Variants in GGA2 observed in about 807,000 individuals in gnomAD.
The protein encoded by GGA2 is golgi associated, gamma adaptin ear containing, ARF binding protein 2, also known as ADP-ribosylation factor-binding protein GGA2.
GGA2 carries 48 observed loss-of-function variants against 79.5 expected under a neutral mutation model. The observed-to-expected ratio is 0.60, with a 90% CI of 0.48 to 0.77. The LOEUF (loss-of-function observed/expected upper bound fraction) is 0.77, where lower values mean the gene tolerates loss of function less well. Ranked by LOEUF, GGA2 falls within the 30% of genes least tolerant of loss-of-function variation. The probability of loss-of-function intolerance (pLI) is 0.00; values close to 1 mark genes in which losing one functional copy is unlikely to be tolerated. For synonymous variants in GGA2, 317 were observed against 302.0 expected (o/e 1.05, Z -0.51); for missense variants, 770 against 774.0 (o/e 0.99, Z 0.06).
chr16:23,499,704 C>T (rs986630384), intron 1 of GGA2, among the ~76,000 whole-genome samples: 6 of 152,152 alleles, frequency 3.9e-5, no homozygotes, highest in African/African-American at 1.4e-4. Flanking sequence ...CCTCGTGATC[C>T]GCCCGCCTCG....
At chr16:23,495,012 G>A (rs1012129170) in intron 2 of GGA2, among the ~76,000 whole-genome samples, 2 of 151,930 alleles carry the variant, frequency 1.3e-5, no homozygotes, top group Non-Finnish European at 2.9e-5. Context: ...TTGAACCCGG[G>A]AGGTGGAGGT....
chr16:23,474,987 T>C lies in GGA2; in HGVS notation c.1367A>G (p.Glu456Gly). Residue 456 changes from glutamate (E) to glycine (G), a missense_variant, in exon 14 of 17, where the codon GAG becomes GGG. Physicochemically the swap from Glu to Gly is moderately conservative, Grantham distance 98. Transcript: ENST00000309859. ...TGGGGAAGGAGCCAACGGGCCAGCC[T>C]CCCAGGACCAACCTGGAGAGGACTT... ...GTKSSPGWSW[E>G]AGPLAPSPSS... The C allele has an allele frequency of 6.2e-7, 1 of 1,611,310 alleles. No individual in the cohort carries two copies. Among genetic ancestry groups the C allele is most frequent in the Non-Finnish European group, 8.5e-7 (1 of 1,177,528 alleles).
upstream of GGA2, chr16:23,523,397 C>G (rs544098976): frequency 1.9e-4 from 29 of 152,302 alleles, no homozygotes; most frequent in African/African-American, 6.5e-4. Flanking sequence ...GGTCTCCAGT[C>G]CAAGGACCAG....
chr16:23,475,077 A>C lies in GGA2; in HGVS notation c.1293-16T>G. 5.2e-6 allele frequency: 8 copies of C among 1,542,584 alleles called. No individual in the cohort carries two copies. Among genetic ancestry groups the C allele is most frequent in the Non-Finnish European group, 7.0e-6 (8 of 1,140,728 alleles). On this transcript the variant is annotated splice_polypyrimidine_tract_variant and intron_variant, in intron 13 of 16. Transcript: ENST00000309859. ...AACATAATTCCTACAAAGAAATAAA[A>C]AATATCAAAGACTAGCAAAAATTGT...
chr16:23,474,601 C>T (rs1421201474), intron 14 of GGA2, among the ~76,000 whole-genome samples: 1 of 151,888 alleles, frequency 6.6e-6, no homozygotes, highest in Non-Finnish European at 1.5e-5. Context: ...CAAGTGATCA[C>T]CTGCCTTGGC....
intron 1 of GGA2, chr16:23,519,754 C>A (rs1472315523): frequency 1.3e-5 from 3 of 223,642 alleles, no homozygotes; most frequent in Admixed American, 6.0e-5. Context: ...GGTACAGATT[C>A]CATTCTTTTG....
chr16:23,487,829 A>C (rs1281572375), intron 6 of GGA2, among the ~76,000 whole-genome samples: 1 of 152,136 alleles, frequency 6.6e-6, no homozygotes, highest in Non-Finnish European at 1.5e-5. Context: ...GAGTGGGTAC[A>C]GGGAGAGGGT....
At chr16:23,520,297 A>G (rs1387952616) in intron 1 of GGA2, among the ~76,000 whole-genome samples, 6 of 151,056 alleles carry the variant, frequency 4.0e-5, no homozygotes, top group Admixed American at 6.6e-5. Context: ...TATCTATTCC[A>G]ATCCTTACAA....
At chr16:23,486,222 G>C in intron 7 of GGA2, 70 bp from the exon 8 acceptor site, 3 of 1,432,284 alleles carry the variant, frequency 2.1e-6, no homozygotes, top group Non-Finnish European at 2.9e-6. Flanking sequence ...CAAGGGATGG[G>C]AAAGAGTCAC....
In GGA2 at chr16:23,468,883, T is replaced by C; in HGVS notation, c.1731+3A>G. 6.4e-7 allele frequency: 1 copy of C among 1,570,862 alleles called. No homozygotes were observed. The highest frequency in any genetic ancestry group is 1.1e-5 in the South Asian group (1 of 90,226). On this transcript the variant is annotated splice_donor_region_variant and intron_variant, in intron 16 of 16. Transcript: ENST00000309859. The stretch of plus-strand genomic sequence containing the variant: ...CCCTGCTACCACAGACACTGGAACA[T>C]ACTTTGTGTGGATTGTCAAGCAGCA...
At chr16:23,476,022 T>A (rs1964573101) in intron 13 of GGA2, among the ~76,000 whole-genome samples, 1 of 152,192 alleles carries the variant, frequency 6.6e-6, no homozygotes, top group Admixed American at 6.5e-5. Flanking sequence ...AGGTTGTTCA[T>A]GTTGTACCTG....
At position 23,493,742 on chromosome 16, in the gene GGA2, G is replaced by A. The variant is rs560817200; in HGVS notation, c.253-284C>T. 1.4e-4 allele frequency: 54 copies of A among 378,130 alleles called. No individual in the cohort carries two copies. The East Asian group carries it at 2.9e-3, about 21-fold the overall frequency. 23.4% of individuals were successfully genotyped at this position (378,130 alleles called of 1,614,324 possible). A position where few individuals can be genotyped will look rare whatever the true frequency, so the allele number is the denominator to read the frequency against. ...CACCTTTTAAGGAGACCCTTTGAGA[G>A]GAGAAAGTGGCTAAAGAACCAACCC... On this transcript the variant is annotated intron_variant, in intron 3 of 16. Transcript: ENST00000309859.
intron 1 of GGA2, among the ~76,000 whole-genome samples, chr16:23,498,411 A>C (rs1303160270): frequency 6.6e-6 from 1 of 152,034 alleles, no homozygotes; most frequent in Non-Finnish European, 1.5e-5. Context: ...TGGGGGGACA[A>C]AATGAGACCC....
intron 14 of GGA2, among the ~76,000 whole-genome samples, chr16:23,472,863 TCTCTACTAAAAA>T (rs1964528476): frequency 6.6e-6 from 1 of 151,646 alleles, no homozygotes; most frequent in Non-Finnish European, 1.5e-5. Flanking sequence ...TGAAACCCTG[TCTCTACTAAAAA>T]TACAAAAAAG....
intron 14 of GGA2, among the ~76,000 whole-genome samples, chr16:23,474,098 T>C (rs1392823761): frequency 6.6e-6 from 1 of 152,166 alleles, no homozygotes; most frequent in African/African-American, 2.4e-5. Flanking sequence ...CCTTCCCTTT[T>C]AACAGAGATA....
intron 14 of GGA2, among the ~76,000 whole-genome samples, chr16:23,472,184 GTTTTTTTTTTTTTTTT>G (rs749688834): frequency 1.1e-4 from 6 of 54,838 alleles, no homozygotes; most frequent in Admixed American, 8.0e-4. Flanking sequence ...TGTAGCCCTG[GTTTTTTTTTTTTTTTT>G]TTTTTTTTTT....
rs566563362 is a variant in GGA2 at position 23,470,016 on chromosome 16, A to G, written c.1600T>C (p.Phe534Leu). Reference protein sequence around the residue: ...TAPQPVWDIMFQVAVPKSMRV... With the variant: ...TAPQPVWDIMLQVAVPKSMRV... ...CTCACCTTTGGCACAGCCACTTGAA[A>G]CATGATATCCCAGACAGGCTGGGGA... is the stretch of plus-strand genomic sequence containing the variant. Residue 534 changes from phenylalanine (F) to leucine (L), a missense_variant, in exon 15 of 17, where the codon TTT (phenylalanine) becomes CTT (leucine). Phe to Leu is a conservative substitution (Grantham distance 22, BLOSUM62 0). Coordinates refer to ENST00000309859, the MANE Select transcript of GGA2 (RefSeq NM_015044.4). The G allele has an allele frequency of 4.5e-6, 7 of 1,561,314 alleles. No individual in the cohort carries two copies. Among genetic ancestry groups the G allele is most frequent in the Non-Finnish European group, 6.1e-6 (7 of 1,153,798 alleles).
At position 23,480,804 on chromosome 16, in the gene GGA2, T is replaced by C. The variant is rs1964638363; in HGVS notation, c.881-34A>G. On this transcript the variant is annotated intron_variant, in intron 9 of 16. Coordinates refer to ENST00000309859, the MANE Select transcript of GGA2 (RefSeq NM_015044.4). ...TGAGGGAAGACTCAGAACCCCCTGG[T>C]TTGGCAACCAACAATCTCAGTCTTT... The C allele has an allele frequency of 3.1e-6, 5 of 1,590,424 alleles. No homozygotes were observed. The East Asian group carries it at 1.1e-4, about 36-fold the overall frequency.
At chr16:23,506,738 C>T (rs1321929432) in intron 1 of GGA2, among the ~76,000 whole-genome samples, 4 of 152,180 alleles carry the variant, frequency 2.6e-5, no homozygotes, top group Non-Finnish European at 5.9e-5. Context: ...CCCAACGCTT[C>T]CCCACCTTCC....
Sources: gnomAD v4.1 joint callset for allele counts (sites outside exome capture counted in the v4.1 genomes callset) on GRCh38, gnomAD v4.1.1 for gene constraint, MANE v1.5 for transcripts, NCBI Gene and HGNC (gene_info 2026-07-23, HGNC 2026-07-21) for gene names.